The following PIK3R6 variants were observed in gnomAD, a reference collection of about 807,000 sequenced individuals.
PIK3R6 encodes phosphoinositide 3-kinase regulatory subunit 6.
A neutral mutation model predicts 84.9 loss-of-function variants in PIK3R6; 91 were observed. The observed-to-expected ratio is 1.07, with a 90% CI of 0.90 to 1.28. PIK3R6 has a LOEUF of 1.28. Ranked by LOEUF, PIK3R6 falls within the 50% of genes most tolerant of loss-of-function variation. The pLI, the probability that PIK3R6 is intolerant of heterozygous loss-of-function variation, is 0.00. For synonymous variants in PIK3R6, 416 were observed against 411.4 expected (o/e 1.01, Z -0.13); for missense variants, 996 against 985.1 (o/e 1.01, Z -0.15).
intron 1 of PIK3R6, among the ~76,000 whole-genome samples, chr17:8,857,356 T>C (rs867394631): frequency 2.6e-5 from 4 of 152,308 alleles, no homozygotes; most frequent in Middle Eastern, 6.8e-3. Flanking sequence ...CCATGAAGGA[T>C]AGAACCAGGG....
intron 1 of PIK3R6, among the ~76,000 whole-genome samples, chr17:8,856,243 T>C (rs1163725496): frequency 6.6e-6 from 1 of 152,238 alleles, no homozygotes; most frequent in Non-Finnish European, 1.5e-5. Flanking sequence ...GCACAGAGTT[T>C]CTGGGTACCC....
intron 1 of PIK3R6, among the ~76,000 whole-genome samples, chr17:8,856,471 A>T (rs984419189): frequency 2.0e-5 from 3 of 152,162 alleles, no homozygotes; most frequent in Non-Finnish European, 4.4e-5. Context: ...GCATGGTGGC[A>T]GGTGCCTGTA....
At chr17:8,855,948 C>A (rs1025566043) in intron 1 of PIK3R6, among the ~76,000 whole-genome samples, 16 of 152,296 alleles carry the variant, frequency 1.1e-4, no homozygotes, top group African/African-American at 3.4e-4. Flanking sequence ...TCAGTGGGTA[C>A]GTGAATGAGC....
intron 8 of PIK3R6, among the ~76,000 whole-genome samples, chr17:8,833,938 G>A (rs1385972006): frequency 6.6e-6 from 1 of 151,786 alleles, no homozygotes; most frequent in Non-Finnish European, 1.5e-5. Context: ...GAAGGCCGGG[G>A]TAGGTGGATC....
In PIK3R6 at chr17:8,828,877, C is replaced by T; in HGVS notation, c.1003G>A (p.Val335Met). The T allele has an allele frequency of 6.3e-7, 1 of 1,583,336 alleles. No individual in the cohort carries two copies. Among genetic ancestry groups the T allele is most frequent in the Non-Finnish European group, 8.6e-7 (1 of 1,164,156 alleles). Residue 335 changes from valine (V) to methionine (M), a missense_variant, in exon 11 of 20, where the codon GTG (valine) becomes ATG (methionine). Transcript: ENST00000619866. ...RPDRELARVS[V>M]LSTDSGIERD... is the part of the protein sequence containing the mutation. ...TCAATGCCGCTGTCAGTGGACAGCA[C>T]AGAAACCCGGGCCAACTCCCGGTCC...
In PIK3R6 at chr17:8,803,177, C is replaced by A; in HGVS notation, c.*96G>T. 12 of 1,508,908 alleles carry A rather than the reference C, an allele frequency of 8.0e-6. No individual in the cohort carries two copies. The highest frequency in any genetic ancestry group is 2.8e-5 in the African/African-American group (2 of 72,444). The allele number at this position is 1,508,908 out of a possible 1,614,324, so 93.5% of individuals were successfully genotyped here. On this transcript the variant is annotated 3_prime_UTR_variant, in exon 20 of 20. Transcript: ENST00000619866. The surrounding 1 kb of genome is among the most constrained non-coding windows in gnomAD (Gnocchi z 5.0). ...TGGCTCCTGGTCAAGGCCAAAGCTGCCGTGTGGAGCCGGGCCTTGCTCTGG... is the reference window on the plus strand; with the variant it reads ...TGGCTCCTGGTCAAGGCCAAAGCTGACGTGTGGAGCCGGGCCTTGCTCTGG...
At position 8,836,531 on chromosome 17, in the gene PIK3R6, TTCTGGGGCCAC is replaced by T. The variant is rs777087968; in HGVS notation, c.461+5_461+15del. On this transcript the variant is annotated splice_donor_5th_base_variant and intron_variant, in intron 7 of 19. Coordinates refer to ENST00000619866, the MANE Select transcript of PIK3R6 (RefSeq NM_001010855.4). ...TTTAGGAGGCTGAAGGTAGCAATTT[TTCTGGGGCCAC>T]TCACCTCTCCTGGTAGGGATACAGC... The T allele has an allele frequency of 5.0e-6, 8 of 1,613,898 alleles. No individual in the cohort carries two copies. The African/African-American group carries it at 6.7e-5, about 13-fold the overall frequency.
At chr17:8,860,673 G>T (rs2089258871) in intron 1 of PIK3R6, among the ~76,000 whole-genome samples, 1 of 152,056 alleles carries the variant, frequency 6.6e-6, no homozygotes, top group South Asian at 2.1e-4. Flanking sequence ...TCCAGCTTTT[G>T]CTTAAAATAA....
At chr17:8,849,161 A>G (rs558348543) in intron 2 of PIK3R6, among the ~76,000 whole-genome samples, 8 of 152,310 alleles carry the variant, frequency 5.3e-5, no homozygotes, top group African/African-American at 1.7e-4. Flanking sequence ...AGCAAATTAT[A>G]TAACCTCTCC....
chr17:8,854,138 A>C (rs1390013059), intron 1 of PIK3R6, among the ~76,000 whole-genome samples: 2 of 151,864 alleles, frequency 1.3e-5, no homozygotes, highest in African/African-American at 4.8e-5. Context: ...AATGCCTGAG[A>C]ACTCACACTC....
chr17:8,814,213 A>ATTTTTTTTTTTTTTT (rs528042541), intron 18 of PIK3R6, among the ~76,000 whole-genome samples: 1 of 76,408 alleles, frequency 1.3e-5, no homozygotes, highest in Non-Finnish European at 2.3e-5. Flanking sequence ...TCAGAGAGAG[A>ATTTTTTTTTTTTTTT]TCTTTTTTTT....
chr17:8,819,689 T>TATATATATACAC (rs374733654), intron 17 of PIK3R6, among the ~76,000 whole-genome samples: 2 of 135,886 alleles, frequency 1.5e-5, no homozygotes, highest in African/African-American at 2.9e-5. Context: ...TATATATATA[T>TATATATATACAC]ACACACACAC....
rs1242587634 is a variant in PIK3R6, at chr17:8,835,553, G to A, written c.462-97C>T. The A allele has an allele frequency of 3.8e-6, 4 of 1,048,784 alleles. No homozygotes were observed. In the African/African-American group the frequency reaches 4.8e-5, roughly 13 times the overall value. 65.0% of individuals were successfully genotyped at this position (1,048,784 alleles called of 1,614,324 possible). On this transcript the variant is annotated intron_variant, in intron 7 of 19. Transcript: ENST00000619866. ...CCTCAGAGCTGTGCAGCACCTCCAAGTAATTTAATTCTGCTAAAAAGAGGA... is the reference window on the plus strand; with the variant it reads ...CCTCAGAGCTGTGCAGCACCTCCAAATAATTTAATTCTGCTAAAAAGAGGA...
At chr17:8,826,703 G>C (rs867912727) in intron 13 of PIK3R6, among the ~76,000 whole-genome samples, 3 of 152,082 alleles carry the variant, frequency 2.0e-5, no homozygotes, top group South Asian at 2.1e-4. Flanking sequence ...TAGATAAGGG[G>C]TTGATGGGTG....
Position 8,823,505 on chromosome 17 carries a change from G to A in PIK3R6, c.1516-8C>T, listed in dbSNP as rs1466547303. On this transcript the variant is annotated splice_polypyrimidine_tract_variant and splice_region_variant and intron_variant, in intron 13 of 19. Coordinates refer to ENST00000619866, the MANE Select transcript of PIK3R6 (RefSeq NM_001010855.4). ...TGTGTCCAGGGAAGGAGGCTGTGAT[G>A]GAGACAGGGAATGTCTTCACCAACT... is the stretch of plus-strand genomic sequence containing the variant. The A allele has an allele frequency of 6.3e-7, 1 of 1,579,838 alleles. No individual in the cohort carries two copies. Among genetic ancestry groups the A allele is most frequent in the East Asian group, 2.2e-5 (1 of 44,644 alleles).
chr17:8,837,320 C>T (rs957337458), intron 5 of PIK3R6, among the ~76,000 whole-genome samples: 2 of 152,044 alleles, frequency 1.3e-5, no homozygotes, highest in Non-Finnish European at 2.9e-5. Context: ...AAATGCTCCA[C>T]AGTGCCCGGG....
intron 1 of PIK3R6, among the ~76,000 whole-genome samples, chr17:8,859,080 T>C (rs912908878): frequency 6.6e-6 from 1 of 152,208 alleles, no homozygotes; most frequent in African/African-American, 2.4e-5. Context: ...AAACAAAGCC[T>C]GAGAACTGAT....
chr17:8,863,047 G>A (rs1384479700), intron 1 of PIK3R6, among the ~76,000 whole-genome samples: 1 of 152,170 alleles, frequency 6.6e-6, no homozygotes, highest in Non-Finnish European at 1.5e-5. Flanking sequence ...TTGCACTCTA[G>A]TGGGTGTGTA....
At chr17:8,814,982 A>G (rs1285186978) in intron 18 of PIK3R6, among the ~76,000 whole-genome samples, 1 of 152,204 alleles carries the variant, frequency 6.6e-6, no homozygotes, top group African/African-American at 2.4e-5. Context: ...CATATTATAC[A>G]ACAGCAGCAT....
Sources: allele counts gnomAD v4.1 joint callset (sites outside exome capture counted in the v4.1 genomes callset), GRCh38; gene constraint gnomAD v4.1.1; non-coding constraint Gnocchi (gnomAD v3.1); transcripts MANE v1.5; gene names NCBI Gene and HGNC (gene_info 2026-07-23, HGNC 2026-07-21).